Variants in F8 observed in about 807,000 individuals in gnomAD.
The protein encoded by F8 is coagulation factor VIII.
In F8, 12 loss-of-function variants were observed where a neutral mutation model predicts 140.6. That is an observed-to-expected ratio of 0.09 (90% CI 0.05 to 0.14). The LOEUF is 0.14. F8 is among the 10% of genes least tolerant of loss of function. The probability of loss-of-function intolerance (pLI) is 1.00; values close to 1 mark genes in which losing one functional copy is unlikely to be tolerated. For missense variants in F8, 1,354 were observed against 1,720.7 expected (o/e 0.79, Z 3.77); for synonymous variants, 585 against 614.6 (o/e 0.95, Z 0.71).
chrX:155,012,556 CT>C (rs1305651320), intron 1 of F8, among the ~76,000 whole-genome samples: 4 of 111,580 alleles, frequency 3.6e-5, no homozygotes, highest in African/African-American at 1.3e-4. Context: ...AGCAATCCTG[CT>C]GCCTCCTCCC....
At chrX:154,869,065 T>A (rs144792827) in intron 22 of F8, among the ~76,000 whole-genome samples, 3,232 of 111,287 alleles carry the variant, frequency 0.029, 105 homozygotes, top group African/African-American at 0.099. Flanking sequence ...CTTAGAGACA[T>A]ACAAAGAGAC....
At chrX:154,949,579 G>C (rs1476148296) in intron 12 of F8, among the ~76,000 whole-genome samples, 1 of 111,910 alleles carries the variant, frequency 8.9e-6, no homozygotes, top group Non-Finnish European at 1.9e-5. Flanking sequence ...TGTACTAGTG[G>C]CTAGGGTTGC....
chrX:154,862,795 A>G (rs954181169), intron 23 of F8, among the ~76,000 whole-genome samples: 14 of 112,059 alleles, frequency 1.2e-4, no homozygotes, highest in Non-Finnish European at 2.1e-4. Flanking sequence ...GTTGATGGGC[A>G]TTTAGGTTGA....
At chrX:154,955,077 T>C (rs1231036443) in intron 11 of F8, among the ~76,000 whole-genome samples, 9 of 110,162 alleles carry the variant, frequency 8.2e-5, no homozygotes, top group Admixed American at 2.9e-4. Context: ...GCTTTATTTT[T>C]TAAAGCAGTA....
At chrX:154,856,039 G>C (rs963762674) in intron 25 of F8, among the ~76,000 whole-genome samples, 1 of 112,081 alleles carries the variant, frequency 8.9e-6, no homozygotes, top group Non-Finnish European at 1.9e-5. Flanking sequence ...GAATTAGGAA[G>C]GCCTCTAACA....
At chrX:154,863,404 C>A (rs1168652020) in intron 22 of F8, among the ~76,000 whole-genome samples, 177 bp from the exon 23 acceptor site, 2 of 111,615 alleles carry the variant, frequency 1.8e-5, no homozygotes, top group East Asian at 5.6e-4. Context: ...GAGGAAAGCA[C>A]CAAGAAGAAG....
At chrX:154,869,510 A>G (rs1256875209) in intron 22 of F8, among the ~76,000 whole-genome samples, 1 of 112,112 alleles carries the variant, frequency 8.9e-6, no homozygotes, top group East Asian at 2.8e-4. Flanking sequence ...GAATGAAGAC[A>G]CAGCGTACCA....
intron 18 of F8, 71 bp from the exon 19 acceptor site, chrX:154,902,238 T>C (rs1288731615): frequency 4.9e-6 from 4 of 818,803 alleles, no homozygotes; most frequent in Non-Finnish European, 5.6e-6. Flanking sequence ...CATTGGTTTA[T>C]GCGAAATATC....
At chrX:154,964,437 T>C (rs1443211483) in intron 9 of F8, among the ~76,000 whole-genome samples, 2 of 111,332 alleles carry the variant, frequency 1.8e-5, no homozygotes, top group Middle Eastern at 8.4e-3. Context: ...TAATAAAAAT[T>C]TTGAAGAAGT....
intron 6 of F8, among the ~76,000 whole-genome samples, chrX:154,969,877 C>G (rs1332889442): frequency 1.8e-5 from 2 of 111,773 alleles, no homozygotes; most frequent in Non-Finnish European, 3.8e-5. Context: ...TCAGACTGCT[C>G]CTTCTTCTGT....
Position 154,906,549 on chromosome X carries a change from C to T in F8, c.5244G>A (p.Gln1748=), listed in dbSNP as rs782483935. The part of the protein sequence containing the change: ...RNRAQSGSVP[Q]FKKVVFQEFT... ...ATTCCTGGAAAACAACTTTCTTGAA[C>T]TGAGGGACACTGCCACTCTGAGCCC... Residue 1748 remains glutamine (Q), a synonymous_variant, in exon 15 of 26, where the codon CAG becomes CAA. Transcript: ENST00000360256. The T allele has an allele frequency of 8.3e-7, 1 of 1,210,282 alleles. No homozygotes were observed. The highest frequency in any genetic ancestry group is 1.8e-5 in the South Asian group (1 of 56,918).
At chrX:154,924,689 G>A (rs1410182083) in intron 14 of F8, among the ~76,000 whole-genome samples, 1 of 112,007 alleles carries the variant, frequency 8.9e-6, no homozygotes, top group Non-Finnish European at 1.9e-5. Flanking sequence ...GCCCACCCCC[G>A]CAGCAAACTT....
intron 14 of F8, among the ~76,000 whole-genome samples, chrX:154,927,126 A>G (rs1344108084): frequency 7.2e-5 from 8 of 111,832 alleles, no homozygotes; most frequent in African/African-American, 9.8e-5. Flanking sequence ...AGGGCTAGTA[A>G]TCAGTAATGT....
intron 25 of F8, among the ~76,000 whole-genome samples, chrX:154,859,068 A>G (rs781972864): frequency 8.9e-6 from 1 of 111,784 alleles, no homozygotes; most frequent in African/African-American, 3.2e-5. Flanking sequence ...GTCTTCCCCA[A>G]GTAAGAAAGT....
intron 5 of F8, 62 bp from the exon 6 acceptor site, chrX:154,984,865 C>T: frequency 2.3e-6 from 2 of 884,404 alleles, no homozygotes; most frequent in Non-Finnish European, 3.3e-6. Context: ...TGACCGCCTC[C>T]CCTTTCTCCT....
Position 154,862,669 on chromosome X carries a change from T to A in F8, c.6574+414A>T, listed in dbSNP as rs781953092. Among the ~76,000 whole-genome samples, 15 of 112,156 alleles carry A rather than the reference T, an allele frequency of 1.3e-4. No homozygotes were observed. In the South Asian group the frequency reaches 5.2e-3, roughly 39 times the overall value. ...TTCTGTTCCTGCATTAGTTCATTTA[T>A]GATAATGGCCTCTAGCTGCATCTAT... On this transcript the variant is annotated intron_variant, in intron 23 of 25. Transcript: ENST00000360256.
At position 154,899,940 on chromosome X, in the gene F8, G is replaced by A; in HGVS notation, c.6199C>T (p.Pro2067Ser). ...GAATAATGAAGTCTGGCCAGCTTTG[G>A]GGCCCACTGTCCTTTGCCCAAGTAA... is the stretch of plus-strand genomic sequence containing the variant. ...TASGQYGQWAPKLARLHYSGS... is the reference protein window; with the variant it reads ...TASGQYGQWASKLARLHYSGS... The change falls in exon 21 of 26, where the codon CCA (proline) becomes TCA (serine). Residue 2067 changes from proline to serine, a missense_variant. Physicochemically the swap from Pro to Ser is moderately conservative, Grantham distance 74. Coordinates refer to ENST00000360256, the MANE Select transcript of F8 (RefSeq NM_000132.4). 8.3e-7 allele frequency: 1 copy of A among 1,210,533 alleles called. No individual in the cohort carries two copies. Among genetic ancestry groups the A allele is most frequent in the Non-Finnish European group, 1.1e-6 (1 of 894,539 alleles).
At chrX:154,951,919 T>C (rs781878672) in intron 12 of F8, among the ~76,000 whole-genome samples, 17 of 112,069 alleles carry the variant, frequency 1.5e-4, no homozygotes, top group Non-Finnish European at 2.8e-4. Flanking sequence ...TCAGTGAAAT[T>C]GTTTTCTGGC....
intron 11 of F8, 28 bp downstream of exon 11, chrX:154,956,929 C>G: frequency 1.7e-6 from 2 of 1,154,414 alleles, no homozygotes; most frequent in Non-Finnish European, 2.4e-6. Flanking sequence ...GAGAATGAAA[C>G]CCAGCACTTG....
Sources: gnomAD v4.1 joint callset for allele counts (sites outside exome capture counted in the v4.1 genomes callset) on GRCh38, gnomAD v4.1.1 for gene constraint, MANE v1.5 for transcripts, NCBI Gene and HGNC (gene_info 2026-07-23, HGNC 2026-07-21) for gene names.